The following HYCC1 variants were observed in gnomAD, a reference collection of about 807,000 sequenced individuals.
HYCC1 encodes hyccin.
the HYCC1 span, among the ~76,000 whole-genome samples, chr7:22,997,320 T>C: frequency 6.6e-6 from 1 of 152,164 alleles, no homozygotes; most frequent in East Asian, 1.9e-4. Context: ...CCCTTCACCA[T>C]TAAGCACTAA....
At chr7:23,014,101 G>A in the HYCC1 span, 5 of 469,926 alleles carry the variant, frequency 1.1e-5, no homozygotes, top group African/African-American at 2.0e-5. Context: ...CAACCCAGCC[G>A]GGAGAGCCAC....
chr7:22,907,259 G>A, the HYCC1 span, among the ~76,000 whole-genome samples: 8 of 152,162 alleles, frequency 5.3e-5, no homozygotes, highest in African/African-American at 1.9e-4. Context: ...CAACTAAGAT[G>A]CCTGGATTTT....
chr7:23,000,736 A>G, the HYCC1 span, among the ~76,000 whole-genome samples: 13 of 152,120 alleles, frequency 8.5e-5, no homozygotes, highest in Non-Finnish European at 1.5e-4. Context: ...GAGAGACTTA[A>G]TAAGAGCTTC....
the HYCC1 span, among the ~76,000 whole-genome samples, chr7:22,910,854 C>T: frequency 7.2e-6 from 1 of 138,040 alleles, no homozygotes; most frequent in Non-Finnish European, 1.6e-5. Flanking sequence ...TATGCTTATT[C>T]TTTCTGAAAT....
chr7:22,947,001 G>C, the HYCC1 span: 2 of 1,549,674 alleles, frequency 1.3e-6, no homozygotes, highest in Admixed American at 3.9e-5. Context: ...TCTGCCAGGT[G>C]AGTTTATTCC....
the HYCC1 span, among the ~76,000 whole-genome samples, chr7:22,971,608 G>A: frequency 4.7e-5 from 7 of 150,518 alleles, no homozygotes; most frequent in South Asian, 2.1e-4. Flanking sequence ...CCTGGGAGGC[G>A]GAGGTTACAG....
chr7:22,926,957 A>T, the HYCC1 span, among the ~76,000 whole-genome samples: 4 of 152,162 alleles, frequency 2.6e-5, no homozygotes, highest in African/African-American at 9.7e-5. Context: ...AGCAAATGTA[A>T]AAGAACAGAA....
the HYCC1 span, chr7:23,013,801 C>A: frequency 3.9e-5 from 15 of 380,134 alleles, no homozygotes; most frequent in South Asian, 2.6e-4. Flanking sequence ...GGAGCCGCGG[C>A]CCCAGGGACA....
the HYCC1 span, among the ~76,000 whole-genome samples, chr7:23,007,542 T>C: frequency 6.6e-6 from 1 of 152,142 alleles, no homozygotes; most frequent in Non-Finnish European, 1.5e-5. Flanking sequence ...AGCCAATCTA[T>C]TTCAAATCTT....
At chr7:22,991,183 T>C in the HYCC1 span, 1 of 1,295,578 alleles carries the variant, frequency 7.7e-7, no homozygotes, top group South Asian at 1.2e-5. Context: ...GAATATATTT[T>C]ATTTAGTCAG....
the HYCC1 span, among the ~76,000 whole-genome samples, chr7:23,003,796 A>G: frequency 6.6e-6 from 1 of 152,226 alleles, no homozygotes; most frequent in African/African-American, 2.4e-5. Flanking sequence ...AACAGAAAAT[A>G]GTAGGGCAAA....
the HYCC1 span, among the ~76,000 whole-genome samples, chr7:22,959,203 C>T: frequency 6.6e-6 from 1 of 152,038 alleles, no homozygotes; most frequent in African/African-American, 2.4e-5. Flanking sequence ...TTAAAAACAC[C>T]AAAAATGATC....
the HYCC1 span, among the ~76,000 whole-genome samples, chr7:22,988,678 G>T: frequency 6.6e-6 from 1 of 152,186 alleles, no homozygotes; most frequent in Non-Finnish European, 1.5e-5. Context: ...AGTTCATAAT[G>T]ATTCCAACAC....
the HYCC1 span, among the ~76,000 whole-genome samples, chr7:23,000,920 GTTT>G: frequency 3.4e-5 from 5 of 148,338 alleles, no homozygotes; most frequent in African/African-American, 1.2e-4. Flanking sequence ...AGTTAAAGAA[GTTT>G]TTTTTTTTTT....
the HYCC1 span, among the ~76,000 whole-genome samples, chr7:22,995,703 G>A: frequency 1.3e-5 from 2 of 152,082 alleles, no homozygotes; most frequent in Admixed American, 6.6e-5. Flanking sequence ...GTTTCCTTAC[G>A]GAAGAATTCC....
At chr7:22,991,345 T>A in the HYCC1 span, among the ~76,000 whole-genome samples, 2 of 152,144 alleles carry the variant, frequency 1.3e-5, no homozygotes, top group African/African-American at 4.8e-5. Flanking sequence ...TATCATAACA[T>A]GATGAAATTG....
chr7:23,004,649 C>T, the HYCC1 span, among the ~76,000 whole-genome samples: 1 of 151,990 alleles, frequency 6.6e-6, no homozygotes, highest in African/African-American at 2.4e-5. Context: ...AAAAAAAAAT[C>T]TCATCTCCAA....
At chr7:22,989,532 T>A in the HYCC1 span, among the ~76,000 whole-genome samples, 9 of 151,428 alleles carry the variant, frequency 5.9e-5, no homozygotes, top group African/African-American at 2.2e-4. Flanking sequence ...ATTTATTTTT[T>A]TTTTTTGGAG....
At chr7:22,982,009 T>C in the HYCC1 span, among the ~76,000 whole-genome samples, 1 of 152,220 alleles carries the variant, frequency 6.6e-6, no homozygotes, top group Non-Finnish European at 1.5e-5. Flanking sequence ...AAATTTATCC[T>C]ACAAACACTT....
Sources: allele counts gnomAD v4.1 joint callset (sites outside exome capture counted in the v4.1 genomes callset), GRCh38; gene constraint gnomAD v4.1.1; transcripts MANE v1.5; gene names NCBI Gene and HGNC (gene_info 2026-07-23, HGNC 2026-07-21).